The following ARHGAP10 variants were observed in gnomAD, a reference collection of about 807,000 sequenced individuals.
ARHGAP10 encodes the protein Rho GTPase activating protein 10, also known as rho GTPase-activating protein 10.
In ARHGAP10, 87 loss-of-function variants were observed where a neutral mutation model predicts 108.6. The observed-to-expected ratio is 0.80, with a 90% CI of 0.67 to 0.96. The LOEUF (loss-of-function observed/expected upper bound fraction) is 0.96, where lower values mean the gene tolerates loss of function less well. Ranked by LOEUF, ARHGAP10 falls within the 40% of genes least tolerant of loss-of-function variation. The pLI is 0.00. For synonymous variants in ARHGAP10, 347 were observed against 341.1 expected (o/e 1.02, Z -0.19); for missense variants, 939 against 954.5 (o/e 0.98, Z 0.21).
In ARHGAP10 at chr4:147,847,233, A is replaced by T. The variant is rs1733672550; in HGVS notation, c.384+11A>T. On this transcript the variant is annotated intron_variant, in intron 4 of 22. Coordinates refer to ENST00000336498, the MANE Select transcript of ARHGAP10 (RefSeq NM_024605.4). ...CTTGGAGCTGTAAAGGTTTGTGTCT[A>T]ATTTGAATACACTCAGAAAACATAG... The T allele has an allele frequency of 6.2e-7, 1 of 1,600,326 alleles. No homozygotes were observed.
At chr4:147,963,184 G>A (rs987729001) in intron 16 of ARHGAP10, among the ~76,000 whole-genome samples, 14 of 152,126 alleles carry the variant, frequency 9.2e-5, no homozygotes, top group African/African-American at 7.2e-5. Context: ...AGTTGGCCTC[G>A]GGCTACCTTT....
chr4:147,794,576 T>C (rs779044740), intron 1 of ARHGAP10, among the ~76,000 whole-genome samples: 3 of 152,236 alleles, frequency 2.0e-5, no homozygotes, highest in Non-Finnish European at 4.4e-5. Context: ...AACCATAATC[T>C]TGACTTCTAG....
At chr4:147,762,521 T>TATTTATTA (rs58575818) in intron 1 of ARHGAP10, among the ~76,000 whole-genome samples, 2 of 16,192 alleles carry the variant, frequency 1.2e-4, no homozygotes, top group African/African-American at 2.2e-4. Context: ...TTTATTTATT[T>TATTTATTA]TTATTTATTT....
At chr4:147,797,341 C>T (rs576728730) in intron 1 of ARHGAP10, among the ~76,000 whole-genome samples, 121 of 152,282 alleles carry the variant, frequency 7.9e-4, no homozygotes, top group African/African-American at 2.7e-3. Context: ...CTCACCCTTC[C>T]ACTGCCACCA....
intron 18 of ARHGAP10, among the ~76,000 whole-genome samples, chr4:147,989,878 TA>T (rs1407508716): frequency 6.6e-6 from 1 of 152,188 alleles, no homozygotes; most frequent in Non-Finnish European, 1.5e-5. Context: ...GGGGAAGTGA[TA>T]AGTGTCCATG....
At chr4:147,771,945 C>T (rs1730100693) in intron 1 of ARHGAP10, among the ~76,000 whole-genome samples, 1 of 152,150 alleles carries the variant, frequency 6.6e-6, no homozygotes, top group Non-Finnish European at 1.5e-5. Flanking sequence ...GCGTGCGCCA[C>T]CACGCCCAGC....
chr4:147,753,183 C>T (rs1234045602), intron 1 of ARHGAP10, among the ~76,000 whole-genome samples: 1 of 152,208 alleles, frequency 6.6e-6, no homozygotes, highest in Admixed American at 6.5e-5. Context: ...TAAAACTCGT[C>T]TCCTGACTGC....
chr4:147,895,301 C>G (rs1735945622), intron 10 of ARHGAP10, among the ~76,000 whole-genome samples: 1 of 151,894 alleles, frequency 6.6e-6, no homozygotes, highest in Non-Finnish European at 1.5e-5. Flanking sequence ...TACAATATTG[C>G]TAAGTGCACT....
intron 10 of ARHGAP10, among the ~76,000 whole-genome samples, chr4:147,906,140 A>G (rs957864344): frequency 6.6e-6 from 1 of 152,178 alleles, no homozygotes; most frequent in Admixed American, 6.5e-5. Context: ...CCATTTGTAT[A>G]TTCATATGTA....
intron 16 of ARHGAP10, among the ~76,000 whole-genome samples, chr4:147,958,180 G>T (rs959528250): frequency 6.6e-6 from 1 of 152,158 alleles, no homozygotes; most frequent in Admixed American, 6.5e-5. Context: ...AAAGTTGTAG[G>T]CTATGATCTG....
intron 18 of ARHGAP10, among the ~76,000 whole-genome samples, chr4:148,012,289 A>G (rs780621986): frequency 4.6e-5 from 7 of 152,210 alleles, no homozygotes; most frequent in Non-Finnish European, 1.0e-4. Context: ...CATGGCTGCT[A>G]TGTCTGAGAG....
chr4:147,854,819 G>A (rs1050428860), intron 4 of ARHGAP10: 4 of 985,290 alleles, frequency 4.1e-6, no homozygotes, highest in African/African-American at 3.5e-5. Flanking sequence ...ATATATGGAC[G>A]AAGATATTTC....
At position 148,010,955 on chromosome 4, in the gene ARHGAP10, A is replaced by G. The variant is rs28615270; in HGVS notation, c.1717-12308A>G. ...AATAATTGCCATGCCTTCTTAGTCT[A>G]CTTTAACTTAGAATAGTTTCTCAGA... On this transcript the variant is annotated intron_variant, in intron 18 of 22. Transcript: ENST00000336498. Among the ~76,000 whole-genome samples the G allele has an allele frequency of 7.8e-3, 1,189 of 152,354 alleles. 15 individuals carry two copies. Among genetic ancestry groups the G allele is most frequent in the African/African-American group, 0.027 (1,138 of 41,586 alleles).
At chr4:147,980,035 C>A (rs1027085312) in intron 18 of ARHGAP10, among the ~76,000 whole-genome samples, 15 of 152,124 alleles carry the variant, frequency 9.9e-5, no homozygotes, top group African/African-American at 3.1e-4. Flanking sequence ...TTTGCTTTCT[C>A]TTGCCTGATT....
intron 1 of ARHGAP10, among the ~76,000 whole-genome samples, chr4:147,757,969 G>A (rs1411350984): frequency 6.6e-6 from 1 of 152,140 alleles, no homozygotes; most frequent in Admixed American, 6.5e-5. Flanking sequence ...AGCCTGGTAC[G>A]TGTGCCATAG....
chr4:147,979,093 A>G (rs1157692294), intron 18 of ARHGAP10, among the ~76,000 whole-genome samples: 1 of 151,860 alleles, frequency 6.6e-6, no homozygotes, highest in Non-Finnish European at 1.5e-5. Context: ...ATTTTGTTGC[A>G]TTTGCTTTTG....
At chr4:147,877,825 T>TTTTTTTTTC (rs1735137622) in intron 8 of ARHGAP10, among the ~76,000 whole-genome samples, 1 of 151,492 alleles carries the variant, frequency 6.6e-6, no homozygotes, top group African/African-American at 2.4e-5. Flanking sequence ...CATACTTTTT[T>TTTTTTTTTC]TTTTTTTTTG....
At chr4:147,818,609 T>G (rs1372141790) in intron 1 of ARHGAP10, among the ~76,000 whole-genome samples, 1 of 151,878 alleles carries the variant, frequency 6.6e-6, no homozygotes, top group East Asian at 1.9e-4. Flanking sequence ...TTTCCTCTAT[T>G]CTCCCTGCCC....
chr4:147,971,079 G>A (rs1410949838), intron 18 of ARHGAP10, among the ~76,000 whole-genome samples: 1 of 140,400 alleles, frequency 7.1e-6, no homozygotes, highest in African/African-American at 2.8e-5. Flanking sequence ...GGTGACAAGA[G>A]CGAGACTCTG....
Sources: allele counts gnomAD v4.1 joint callset (sites outside exome capture counted in the v4.1 genomes callset), GRCh38; gene constraint gnomAD v4.1.1; transcripts MANE v1.5; gene names NCBI Gene and HGNC (gene_info 2026-07-23, HGNC 2026-07-21).